The following WDR87 variants were observed in gnomAD, a reference collection of about 807,000 sequenced individuals.
WDR87 encodes WD repeat-containing protein 87.
In WDR87, 56 loss-of-function variants were observed where a neutral mutation model predicts 83.3. The ratio of observed to expected loss-of-function variants is 0.67; its 90% CI spans 0.54 to 0.84. WDR87 has a LOEUF of 0.84. WDR87 is among the 40% of genes least tolerant of loss of function. WDR87 has a pLI of 0.00. For synonymous variants in WDR87, 1,173 were observed against 1,250.6 expected (o/e 0.94, Z 1.31); for missense variants, 2,939 against 3,431.9 (o/e 0.86, Z 3.59).
rs1301913901 is a variant in WDR87 at position 37,898,217 on chromosome 19, G to A, written c.23C>T (p.Pro8Leu). 6.4e-7 allele frequency: 1 copy of A among 1,551,434 alleles called. No individual in the cohort carries two copies. Among genetic ancestry groups the A allele is most frequent in the African/African-American group, 1.4e-5 (1 of 73,004 alleles). MSSPRLIPLWKDLKLLLN... is the reference protein window; with the variant it reads MSSPRLILLWKDLKLLLN... Reference sequence around the variant, plus strand: ...GAGGAGTTTTAAATCTTTCCACAGGGGAATGAGCCTGGGGGAAGACATCAC... The same window carrying A: ...GAGGAGTTTTAAATCTTTCCACAGGAGAATGAGCCTGGGGGAAGACATCAC... Residue 8 changes from proline to leucine, a missense_variant, in exon 2 of 6, where the codon CCC (proline) becomes CTC (leucine). Physicochemically the swap from Pro to Leu is moderately conservative, Grantham distance 98. Around this residue, in one of 3 missense-constraint regions of WDR87, gnomAD observed 226 missense variants for 320.9 expected, o/e 0.70. Coordinates refer to ENST00000447313, the MANE Select transcript of WDR87 (RefSeq NM_001291088.2).
chr19:37,885,160 A>T lies in WDR87; in HGVS notation c.8511T>A (p.Val2837=), dbSNP rs1178371650. The T allele has an allele frequency of 6.8e-7, 1 of 1,465,978 alleles. No individual in the cohort carries two copies. The highest frequency in any genetic ancestry group is 9.0e-7 in the Non-Finnish European group (1 of 1,109,510). The allele number at this position is 1,465,978 out of a possible 1,614,324, so 90.8% of individuals were successfully genotyped here. Residue 2837 remains valine, a synonymous_variant, in exon 6 of 6, where the codon GTT becomes GTA. Transcript: ENST00000447313. ...GGCAGCAGAACAGCCGTTCCCCGGG[A>T]ACTAGCTCTGTGGCTTTTAGGGCCT... The part of the protein sequence containing the change: ...YEEALKATEL[V]PGERLFCCLF...
At position 37,885,618 on chromosome 19, in the gene WDR87, A is replaced by C; in HGVS notation, c.8053T>G (p.Tyr2685Asp). Residue 2685 changes from tyrosine to aspartate, a missense_variant, in exon 6 of 6, where the codon TAC becomes GAC. Physicochemically the swap from Tyr to Asp is radical, Grantham distance 160 (BLOSUM62 -3). Coordinates refer to ENST00000447313, the MANE Select transcript of WDR87 (RefSeq NM_001291088.2). ...ATCTGCTGTGCCCTCTCACTTCTGT[A>C]AGGTTCTCCTAGAAGATGCCAATTT... ...AKNWHLLGEP[Y>D]RSERAQQISI... 17 of 1,551,728 alleles carry C rather than the reference A, an allele frequency of 1.1e-5. No individual in the cohort carries two copies. The South Asian group carries it at 1.3e-4, about 12-fold the overall frequency.
rs370624347 is a variant in WDR87, at chr19:37,888,273, C to T, written c.5398G>A (p.Glu1800Lys). Reference sequence around the variant, plus strand: ...TTTGTCTCTTCTTCAGACAGTTTCTCCCTTTGCCAGGCCAATGCCTCCTCT... The same window carrying T: ...TTTGTCTCTTCTTCAGACAGTTTCTTCCTTTGCCAGGCCAATGCCTCCTCT... ...EEEEALAWQREKLSEEETKLA... is the reference protein window; with the variant it reads ...EEEEALAWQRKKLSEEETKLA... Residue 1800 changes from glutamate (E) to lysine (K), a missense_variant, in exon 6 of 6, where the codon GAG becomes AAG. Coordinates refer to ENST00000447313, the MANE Select transcript of WDR87 (RefSeq NM_001291088.2). 1 of 1,551,592 alleles carries T rather than the reference C, an allele frequency of 6.4e-7. No homozygotes were observed. Among genetic ancestry groups the T allele is most frequent in the Non-Finnish European group, 8.7e-7 (1 of 1,147,000 alleles).
chr19:37,900,418 G>A (rs566118789), intron 1 of WDR87, among the ~76,000 whole-genome samples: 9 of 151,482 alleles, frequency 5.9e-5, no homozygotes, highest in Non-Finnish European at 1.0e-4. Context: ...AAAATTAGCC[G>A]GGCACGGTGA....
intron 1 of WDR87, among the ~76,000 whole-genome samples, chr19:37,904,317 C>T (rs1160670313): frequency 6.6e-6 from 1 of 151,660 alleles, no homozygotes; most frequent in African/African-American, 2.4e-5. Flanking sequence ...TTTCCCCTTC[C>T]CAGAAGTAAC....
chr19:37,905,764 G>A (rs969144268), intron 1 of WDR87, among the ~76,000 whole-genome samples: 1 of 151,842 alleles, frequency 6.6e-6, no homozygotes, highest in Non-Finnish European at 1.5e-5. Context: ...TATGTTACCC[G>A]GCCAGTCTCC....
chr19:37,894,264 C>T lies in WDR87; in HGVS notation c.1439G>A (p.Gly480Glu), dbSNP rs1405024382. The stretch of plus-strand genomic sequence containing the variant: ...CACTCTTATCACACCACTCTGGTGC[C>T]CAGAGAATATCAGTCCCTCTAGACC... Reference protein sequence around the residue: ...GRGLEGLIFSGHQSGVIRVLS... With the variant: ...GRGLEGLIFSEHQSGVIRVLS... Residue 480 changes from glycine to glutamate, a missense_variant, in exon 4 of 6, where the codon GGG becomes GAG. By Grantham distance (98) the Gly-to-Glu change is moderately conservative. Around this residue, in one of 3 missense-constraint regions of WDR87, gnomAD observed 553 missense variants for 577.9 expected, o/e 0.96. Coordinates refer to ENST00000447313, the MANE Select transcript of WDR87 (RefSeq NM_001291088.2). 3.2e-6 allele frequency: 5 copies of T among 1,551,738 alleles called. No individual in the cohort carries two copies. Among genetic ancestry groups the T allele is most frequent in the Non-Finnish European group, 4.4e-6 (5 of 1,147,014 alleles).
At chr19:37,900,645 C>T (rs1490214011) in intron 1 of WDR87, among the ~76,000 whole-genome samples, 1 of 151,254 alleles carries the variant, frequency 6.6e-6, no homozygotes, top group Non-Finnish European at 1.5e-5. Flanking sequence ...CTGGCTGATG[C>T]TCAGAAGGCT....
rs373987886 is a variant in WDR87 at position 37,885,996 on chromosome 19, C to T, written c.7675G>A (p.Val2559Ile). The change falls in exon 6 of 6, where the codon GTA becomes ATA. Residue 2559 changes from valine (V) to isoleucine (I), a missense_variant. Val to Ile is a conservative substitution (Grantham distance 29, BLOSUM62 3). Transcript: ENST00000447313. ...QIPAKEQHAD[V>I]SLSDVEWIRH... ...ATCCACTCTACATCTGAGAGGCTTA[C>T]GTCTGCATGTTGTTCCTTAGCTGGG... 34 of 1,551,802 alleles carry T rather than the reference C, an allele frequency of 2.2e-5. No individual in the cohort carries two copies. The highest frequency in any genetic ancestry group is 9.8e-5 in the East Asian group (4 of 40,936).
In WDR87 at chr19:37,887,226, T is replaced by C; in HGVS notation, c.6445A>G (p.Arg2149Gly). ...MKRALFVKER[R>G]LSIEQSKLDI... is the part of the protein sequence containing the mutation. ...AGCTTACTCTGTTCTATACTCAACCTGCGCTCCTTAACAAAGAGTGCCCTC... is the reference window on the plus strand; with the variant it reads ...AGCTTACTCTGTTCTATACTCAACCCGCGCTCCTTAACAAAGAGTGCCCTC... The change falls in exon 6 of 6, where the codon AGG becomes GGG. Residue 2149 changes from arginine to glycine, a missense_variant. Physicochemically the swap from Arg to Gly is moderately radical, Grantham distance 125 (BLOSUM62 -2). Transcript: ENST00000447313. 6.4e-7 allele frequency: 1 copy of C among 1,551,974 alleles called. No homozygotes were observed. The highest frequency in any genetic ancestry group is 8.7e-7 in the Non-Finnish European group (1 of 1,147,052).
rs1480788446 is a variant in WDR87 at position 37,895,420 on chromosome 19, C to T, written c.283G>A (p.Val95Ile). The change falls in exon 4 of 6, where the codon GTT becomes ATT. Residue 95 changes from valine (V) to isoleucine (I), a missense_variant. Coordinates refer to ENST00000447313, the MANE Select transcript of WDR87 (RefSeq NM_001291088.2). ...AWMKSKTEDM[V>I]EKRTFSMTER... Reference sequence around the variant, plus strand: ...GTCATGGAGAATGTTCTTTTCTCAACCATGTCCTCAGTTTTGCTCTTCATC... The same window carrying T: ...GTCATGGAGAATGTTCTTTTCTCAATCATGTCCTCAGTTTTGCTCTTCATC... The T allele has an allele frequency of 3.2e-6, 5 of 1,551,490 alleles. No homozygotes were observed. In the Admixed American group the frequency reaches 5.9e-5, roughly 18 times the overall value.
chr19:37,887,028 G>C lies in WDR87; in HGVS notation c.6643C>G (p.Leu2215Val). Residue 2215 changes from leucine to valine, a missense_variant, in exon 6 of 6, where the codon CTG becomes GTG. This residue lies in a region of WDR87 where 2,160 missense variants were observed against 2,533.1 expected (regional missense o/e 0.85). Transcript: ENST00000447313. Reference sequence around the variant, plus strand: ...ATTCCTCCTTCCTCTTCATCATCCAGTATGACTTCTGAATGCTTTCTGGCC... The same window carrying C: ...ATTCCTCCTTCCTCTTCATCATCCACTATGACTTCTGAATGCTTTCTGGCC... The part of the protein sequence containing the change: ...KLARKHSEVI[L>V]DDEEEGGIEE... The C allele has an allele frequency of 1.9e-6, 3 of 1,551,800 alleles. No individual in the cohort carries two copies. The highest frequency in any genetic ancestry group is 2.6e-6 in the Non-Finnish European group (3 of 1,147,080).
rs1001702170 is a variant in WDR87, at chr19:37,894,184, G to A, written c.1519C>T (p.Leu507=). 6.4e-7 allele frequency: 1 copy of A among 1,552,144 alleles called. No homozygotes were observed. Among genetic ancestry groups the A allele is most frequent in the South Asian group, 1.2e-5 (1 of 84,062 alleles). ...LEKFMHFGAV[L]ALSTLSGGIF... is the part of the protein sequence containing the mutation. ...CCTCCAGACAGCGTGGAGAGTGCCA[G>A]TACAGCGCCAAAGTGCATGAATTTT... The change falls in exon 4 of 6, where the codon CTG becomes TTG. Residue 507 remains leucine (L), a synonymous_variant. Transcript: ENST00000447313.
In WDR87 at chr19:37,893,754, C is replaced by A; in HGVS notation, c.1949G>T (p.Gly650Val). Reference sequence around the variant, plus strand: ...CCGGTCATTTGCAAAACAGACTGGGCCAAAGTGCAGTGATGAGTCCAGAAT... The same window carrying A: ...CCGGTCATTTGCAAAACAGACTGGGACAAAGTGCAGTGATGAGTCCAGAAT... Reference protein sequence around the residue: ...IGILDSSLHFGPVCFANDRGD... With the variant: ...IGILDSSLHFVPVCFANDRGD... The change falls in exon 4 of 6, where the codon GGC (glycine) becomes GTC (valine). Residue 650 changes from glycine to valine, a missense_variant. Physicochemically the swap from Gly to Val is moderately radical, Grantham distance 109 (BLOSUM62 -3). This residue lies in a region of WDR87 where 553 missense variants were observed against 577.9 expected (regional missense o/e 0.96). Coordinates refer to ENST00000447313, the MANE Select transcript of WDR87 (RefSeq NM_001291088.2). 6.4e-7 allele frequency: 1 copy of A among 1,551,522 alleles called. No individual in the cohort carries two copies. Among genetic ancestry groups the A allele is most frequent in the Non-Finnish European group, 8.7e-7 (1 of 1,147,028 alleles).
rs533743339 is a variant in WDR87 at position 37,898,792 on chromosome 19, C to T, written c.-46-507G>A. 2.0e-5 allele frequency among the ~76,000 whole-genome samples: 3 copies of T among 151,370 alleles called. No individual in the cohort carries two copies. The East Asian group carries it at 5.8e-4, about 29-fold the overall frequency. On this transcript the variant is annotated intron_variant, in intron 1 of 5. Transcript: ENST00000447313. Reference sequence around the variant, plus strand: ...AGACAGGTGACCACTCTATTTCCTTCCAACTCATACTTCATGCTTTTCAGC... The same window carrying T: ...AGACAGGTGACCACTCTATTTCCTTTCAACTCATACTTCATGCTTTTCAGC...
rs1030246200 is a variant in WDR87, at chr19:37,888,537, C to A, written c.5134G>T (p.Ala1712Ser). The change falls in exon 6 of 6, where the codon GCT (alanine) becomes TCT (serine). Residue 1712 changes from alanine (A) to serine (S), a missense_variant. Ala to Ser is a moderately conservative substitution (Grantham distance 99). This residue lies in a region of WDR87 where 2,160 missense variants were observed against 2,533.1 expected (regional missense o/e 0.85). Transcript: ENST00000447313. Reference sequence around the variant, plus strand: ...TTTGCTAGTTTCTCTTCTTCTCTAGCCACTTTCTCCCATTTCTTGGCCAGT... The same window carrying A: ...TTTGCTAGTTTCTCTTCTTCTCTAGACACTTTCTCCCATTTCTTGGCCAGT... ...KKLAKKWEKV[A>S]REEEKLAKKG... 6.4e-7 allele frequency: 1 copy of A among 1,551,836 alleles called. No individual in the cohort carries two copies. The highest frequency in any genetic ancestry group is 1.2e-5 in the South Asian group (1 of 84,056).
Position 37,898,288 on chromosome 19 carries a change from G to T in WDR87, c.-46-3C>A. The stretch of plus-strand genomic sequence containing the variant: ...CCTGAGGACTGTTGCTTAAAAACCT[G>T]TGGGAATCCAAAAGAGCCCAGCTTA... On this transcript the variant is annotated splice_region_variant and splice_polypyrimidine_tract_variant and intron_variant, in intron 1 of 5. Coordinates refer to ENST00000447313, the MANE Select transcript of WDR87 (RefSeq NM_001291088.2). 6.5e-7 allele frequency: 1 copy of T among 1,537,958 alleles called. No homozygotes were observed. The highest frequency in any genetic ancestry group is 8.8e-7 in the Non-Finnish European group (1 of 1,142,022).
intron 3 of WDR87, 59 bp from the exon 4 acceptor site, chr19:37,895,515 C>G: frequency 6.8e-7 from 1 of 1,475,422 alleles, no homozygotes; most frequent in Non-Finnish European, 9.1e-7. Context: ...TGCCTGTAAT[C>G]CCAGCACTTT....
At chr19:37,890,400 C>G in intron 5 of WDR87, 124 bp from the exon 6 acceptor site, 1 of 1,194,160 alleles carries the variant, frequency 8.4e-7, no homozygotes, top group Non-Finnish European at 1.1e-6. Flanking sequence ...AGAACTGAGG[C>G]CTTAAAAAAA....
Sources: allele counts gnomAD v4.1 joint callset (sites outside exome capture counted in the v4.1 genomes callset), GRCh38; gene constraint gnomAD v4.1.1; regional missense constraint gnomAD v4.1.1; transcripts MANE v1.5; gene names NCBI Gene and HGNC (gene_info 2026-07-23, HGNC 2026-07-21).